Variants in FSIP1 observed in about 807,000 individuals in gnomAD.
The protein encoded by FSIP1 is fibrous sheath-interacting protein 1.
FSIP1 carries 65 observed loss-of-function variants against 60.9 expected under a neutral mutation model. The ratio of observed to expected loss-of-function variants is 1.07; its 90% CI spans 0.87 to 1.31. The LOEUF (loss-of-function observed/expected upper bound fraction) is 1.31. Ranked by LOEUF, FSIP1 falls within the 40% of genes most tolerant of loss-of-function variation. The pLI is 0.00. For missense variants in FSIP1, 675 were observed against 665.5 expected (o/e 1.01, Z -0.16); for synonymous variants, 209 against 221.2 (o/e 0.94, Z 0.49).
chr15:39,769,271 T>G (rs949409462), intron 3 of FSIP1, among the ~76,000 whole-genome samples: 1 of 137,506 alleles, frequency 7.3e-6, no homozygotes, highest in Non-Finnish European at 1.5e-5. Context: ...AGAGCGAGAC[T>G]CCGTCTCAAA....
intron 5 of FSIP1, among the ~76,000 whole-genome samples, chr15:39,762,890 C>T (rs953697758): frequency 2.6e-5 from 4 of 152,176 alleles, no homozygotes; most frequent in African/African-American, 9.7e-5. Context: ...CAAACTACCA[C>T]ACACATCTAT....
intron 10 of FSIP1, among the ~76,000 whole-genome samples, chr15:39,695,732 A>G (rs542235970): frequency 2.0e-5 from 3 of 152,368 alleles, no homozygotes; most frequent in African/African-American, 7.2e-5. Context: ...ATCTTAGGCC[A>G]TTGATGTTGA....
intron 8 of FSIP1, among the ~76,000 whole-genome samples, chr15:39,733,846 G>A (rs1896508790): frequency 6.6e-6 from 1 of 152,110 alleles, no homozygotes; most frequent in African/African-American, 2.4e-5. Flanking sequence ...TAGAACAGGA[G>A]GACAGAAAGA....
At chr15:39,715,792 C>T (rs1321473354) in intron 9 of FSIP1, among the ~76,000 whole-genome samples, 2 of 152,108 alleles carry the variant, frequency 1.3e-5, no homozygotes. Flanking sequence ...CTCAGTACTG[C>T]TCTCATGATT....
Position 39,776,443 on chromosome 15 carries a change from T to C in FSIP1, c.82A>G (p.Asn28Asp). The C allele has an allele frequency of 6.2e-7, 1 of 1,613,954 alleles. No homozygotes were observed. The highest frequency in any genetic ancestry group is 8.5e-7 in the Non-Finnish European group (1 of 1,179,850). Residue 28 changes from asparagine to aspartate, a missense_variant, in exon 2 of 12, where the codon AAT (asparagine) becomes GAT (aspartate). Physicochemically the swap from Asn to Asp is conservative, Grantham distance 23. Transcript: ENST00000350221. ...GTTGAGAGCACCTCCAAAGAAGCATTTGAACTTCTGCTCCCAGGGCGTATT... is the reference window on the plus strand; with the variant it reads ...GTTGAGAGCACCTCCAAAGAAGCATCTGAACTTCTGCTCCCAGGGCGTATT... ...SRIRPGSRSS[N>D]ASLEVLSTEP...
chr15:39,720,179 T>G (rs1321470019), intron 9 of FSIP1, among the ~76,000 whole-genome samples: 1 of 152,170 alleles, frequency 6.6e-6, no homozygotes, highest in Non-Finnish European at 1.5e-5. Context: ...CAGAATTACA[T>G]GTCAAACAAT....
chr15:39,737,162 G>C (rs1278735073), intron 8 of FSIP1, among the ~76,000 whole-genome samples: 1 of 152,182 alleles, frequency 6.6e-6, no homozygotes, highest in African/African-American at 2.4e-5. Context: ...CAGAAGCAAA[G>C]GATATTTCTC....
At chr15:39,705,434 CATT>C (rs1329877103) in intron 10 of FSIP1, among the ~76,000 whole-genome samples, 2 of 152,122 alleles carry the variant, frequency 1.3e-5, no homozygotes, top group Non-Finnish European at 2.9e-5. Context: ...AAAAGTCCAT[CATT>C]ATGTTAATGG....
At chr15:39,710,457 A>C (rs1445293773) in intron 10 of FSIP1, among the ~76,000 whole-genome samples, 1 of 151,976 alleles carries the variant, frequency 6.6e-6, no homozygotes, top group Non-Finnish European at 1.5e-5. Flanking sequence ...AAAAAAAAAA[A>C]AAAACATAAA....
chr15:39,735,919 A>G (rs893776706), intron 8 of FSIP1, among the ~76,000 whole-genome samples: 1 of 152,174 alleles, frequency 6.6e-6, no homozygotes, highest in Non-Finnish European at 1.5e-5. Context: ...CTTCCACTCC[A>G]TATCTTGTCC....
At chr15:39,696,870 CTG>C (rs67940382) in intron 10 of FSIP1, among the ~76,000 whole-genome samples, 1,200 of 111,612 alleles carry the variant, frequency 0.011, 10 homozygotes, top group East Asian at 0.023. Flanking sequence ...GAAGGGGTGT[CTG>C]TGTGTGTGTG....
At position 39,733,311 on chromosome 15, in the gene FSIP1, G is replaced by A. The variant is rs144453049; in HGVS notation, c.891+4780C>T. Among the ~76,000 whole-genome samples the A allele has an allele frequency of 2.1e-3, 323 of 152,316 alleles. 3 individuals are homozygous for A. Among genetic ancestry groups the A allele is most frequent in the African/African-American group, 7.2e-3 (298 of 41,566 alleles). ...CTCCCAAAGTGCAGAGATTACATGCGTGAGCCACCACGCTGGGCCTAAAAA... is the reference window on the plus strand; with the variant it reads ...CTCCCAAAGTGCAGAGATTACATGCATGAGCCACCACGCTGGGCCTAAAAA... On this transcript the variant is annotated intron_variant, in intron 8 of 11. Transcript: ENST00000350221.
chr15:39,668,266 T>A (rs1008703145), intron 10 of FSIP1, among the ~76,000 whole-genome samples: 2 of 145,762 alleles, frequency 1.4e-5, no homozygotes, highest in South Asian at 2.1e-4. Flanking sequence ...ATTCAGTTAA[T>A]CTTCTTCATT....
At chr15:39,616,630 G>A (rs1891241352) in intron 11 of FSIP1, among the ~76,000 whole-genome samples, 1 of 152,164 alleles carries the variant, frequency 6.6e-6, no homozygotes, top group South Asian at 2.1e-4. Context: ...ATAACATTTA[G>A]GTGACTACTT....
chr15:39,642,035 G>C (rs1385019221), intron 10 of FSIP1, among the ~76,000 whole-genome samples: 1 of 152,106 alleles, frequency 6.6e-6, no homozygotes, highest in African/African-American at 2.4e-5. Context: ...CCTGACATTT[G>C]ATATTTTGCT....
At chr15:39,684,572 G>T (rs768476566) in intron 10 of FSIP1, among the ~76,000 whole-genome samples, 4 of 152,124 alleles carry the variant, frequency 2.6e-5, no homozygotes, top group Non-Finnish European at 4.4e-5. Flanking sequence ...AAACCAAATA[G>T]AGAAAGCTGC....
At chr15:39,691,062 C>A (rs1456939568) in intron 10 of FSIP1, among the ~76,000 whole-genome samples, 1 of 152,172 alleles carries the variant, frequency 6.6e-6, no homozygotes, top group Non-Finnish European at 1.5e-5. Flanking sequence ...TTCCTTGGCC[C>A]CTATACAGGC....
intron 8 of FSIP1, 37 bp from the exon 9 acceptor site, chr15:39,726,784 C>A: frequency 1.3e-6 from 2 of 1,597,030 alleles, no homozygotes; most frequent in Admixed American, 1.7e-5. Flanking sequence ...CATTCTCAGG[C>A]TATATTTTTG....
intron 10 of FSIP1, among the ~76,000 whole-genome samples, chr15:39,636,049 T>C (rs59146042): frequency 0.016 from 2,443 of 152,254 alleles, 62 homozygotes; most frequent in African/African-American, 0.052. Context: ...TCCATACCCA[T>C]GATATATCCC....
Sources: gnomAD v4.1 joint callset for allele counts (sites outside exome capture counted in the v4.1 genomes callset) on GRCh38, gnomAD v4.1.1 for gene constraint, MANE v1.5 for transcripts, NCBI Gene and HGNC (gene_info 2026-07-23, HGNC 2026-07-21) for gene names.